Variants in GABBR2 observed in about 807,000 individuals in gnomAD.
GABBR2 encodes G-protein coupled receptor 51.
GABBR2 carries 23 observed loss-of-function variants against 105.6 expected under a neutral mutation model. That is an observed-to-expected ratio of 0.22 (90% CI 0.16 to 0.31). The LOEUF (loss-of-function observed/expected upper bound fraction) is 0.31. Among genes scored for constraint, GABBR2 ranks in the 10% least tolerant of loss-of-function variants. The pLI, the probability that GABBR2 is intolerant of heterozygous loss-of-function variation, is 1.00. For synonymous variants in GABBR2, 478 were observed against 499.7 expected (o/e 0.96, Z 0.58); for missense variants, 734 against 1,245.5 (o/e 0.59, Z 6.18).
intron 1 of GABBR2, among the ~76,000 whole-genome samples, chr9:98,604,528 C>A (rs1409688047): frequency 6.6e-6 from 1 of 152,204 alleles, no homozygotes; most frequent in African/African-American, 2.4e-5. Context: ...GAAGGCTGGG[C>A]AGAGTAGGGC....
At chr9:98,589,458 G>A (rs1399001184) in intron 1 of GABBR2, among the ~76,000 whole-genome samples, 1 of 152,146 alleles carries the variant, frequency 6.6e-6, no homozygotes, top group Non-Finnish European at 1.5e-5. Flanking sequence ...ACTACAGAGA[G>A]GCCGCATCAT....
chr9:98,417,660 C>T (rs1832712296), intron 7 of GABBR2, among the ~76,000 whole-genome samples: 1 of 152,094 alleles, frequency 6.6e-6, no homozygotes, highest in Admixed American at 6.5e-5. Context: ...CATGCTAGAC[C>T]CTGCAGTGTT....
intron 5 of GABBR2, among the ~76,000 whole-genome samples, chr9:98,477,445 G>T (rs185635127): frequency 6.6e-6 from 1 of 152,300 alleles, no homozygotes; most frequent in Admixed American, 6.5e-5. Flanking sequence ...TTGCCATGCT[G>T]CCCAGGCTGG....
chr9:98,601,664 TAA>T (rs1829338664), intron 1 of GABBR2, among the ~76,000 whole-genome samples: 1 of 152,208 alleles, frequency 6.6e-6, no homozygotes, highest in Admixed American at 6.5e-5. Flanking sequence ...GGGTGTTCTT[TAA>T]AACAACAAAG....
chr9:98,355,949 T>C (rs1453598354), intron 13 of GABBR2, among the ~76,000 whole-genome samples: 1 of 152,082 alleles, frequency 6.6e-6, no homozygotes, highest in Non-Finnish European at 1.5e-5. Flanking sequence ...GCAAAGGTAA[T>C]ACAATGGAGA....
intron 1 of GABBR2, among the ~76,000 whole-genome samples, chr9:98,694,780 G>A (rs1830727748): frequency 6.6e-6 from 1 of 152,146 alleles, no homozygotes; most frequent in Non-Finnish European, 1.5e-5. Flanking sequence ...ATAACTCTAT[G>A]AAAAAGCAGA....
At chr9:98,458,072 A>G (rs181148311) in intron 6 of GABBR2, among the ~76,000 whole-genome samples, 12 of 152,348 alleles carry the variant, frequency 7.9e-5, no homozygotes, top group Non-Finnish European at 1.6e-4. Flanking sequence ...CACAGACACT[A>G]TGTTATAAAT....
At chr9:98,294,482 G>A (rs1588084841) in intron 17 of GABBR2, among the ~76,000 whole-genome samples, 1 of 151,504 alleles carries the variant, frequency 6.6e-6, no homozygotes, top group African/African-American at 2.4e-5. Context: ...TATACAAGAT[G>A]TTCAACCTCG....
chr9:98,468,143 C>T lies in GABBR2; in HGVS notation c.999+5003G>A, dbSNP rs73655464. 6.8e-3 allele frequency among the ~76,000 whole-genome samples: 1,037 copies of T among 152,222 alleles called. 8 individuals are homozygous for T. Among genetic ancestry groups the T allele is most frequent in the African/African-American group, 0.023 (972 of 41,518 alleles). On this transcript the variant is annotated intron_variant, in intron 6 of 18. Coordinates refer to ENST00000259455, the MANE Select transcript of GABBR2 (RefSeq NM_005458.8). ...GAAAGCCTGAAGGTCCAAGTCCCAA[C>T]GCAGGACAGTCCAATGGGAAAGGAC... is the stretch of plus-strand genomic sequence containing the variant.
chr9:98,380,503 C>T (rs546363204), intron 11 of GABBR2, among the ~76,000 whole-genome samples: 70 of 152,348 alleles, frequency 4.6e-4, no homozygotes, highest in Non-Finnish European at 5.4e-4. Flanking sequence ...GCTCAGCTGC[C>T]GGGGTCCATC....
chr9:98,377,690 T>C (rs1344632048), intron 11 of GABBR2, among the ~76,000 whole-genome samples: 1 of 152,156 alleles, frequency 6.6e-6, no homozygotes, highest in Non-Finnish European at 1.5e-5. Flanking sequence ...GTGGGGTGTC[T>C]GGAAGGGAGG....
chr9:98,382,335 A>G (rs938891775), intron 11 of GABBR2, among the ~76,000 whole-genome samples: 2 of 151,444 alleles, frequency 1.3e-5, no homozygotes, highest in African/African-American at 4.9e-5. Flanking sequence ...TTTTTTTGAG[A>G]CCGAGTCTCG....
chr9:98,658,997 C>A (rs1360934692), intron 1 of GABBR2, among the ~76,000 whole-genome samples: 1 of 152,200 alleles, frequency 6.6e-6, no homozygotes, highest in Non-Finnish European at 1.5e-5. Context: ...GCAAAATACT[C>A]CAAGTCTGAC....
intron 3 of GABBR2, among the ~76,000 whole-genome samples, chr9:98,505,624 G>C (rs530193744): frequency 6.6e-6 from 1 of 152,316 alleles, no homozygotes; most frequent in African/African-American, 2.4e-5. Context: ...CTTGGGATGA[G>C]ATCATCCTGG....
chr9:98,535,634 C>G (rs897397450), intron 3 of GABBR2, among the ~76,000 whole-genome samples: 1 of 151,914 alleles, frequency 6.6e-6, no homozygotes, highest in Non-Finnish European at 1.5e-5. Context: ...GATTTTGGTA[C>G]CCATGGGGGT....
intron 2 of GABBR2, among the ~76,000 whole-genome samples, chr9:98,572,599 C>G (rs1828847747): frequency 6.6e-6 from 1 of 152,174 alleles, no homozygotes; most frequent in Admixed American, 6.5e-5. Context: ...AGCTTAGCCT[C>G]CCTGTGTTGG....
In GABBR2 at chr9:98,463,090, T is replaced by C. The variant is rs995818781; in HGVS notation, c.1000-8873A>G. Reference sequence around the variant, plus strand: ...TTTTAATAGAGATGGGGTTTCACTATGTTGGCCAGGCTGGTCTTGAACTCC... The same window carrying C: ...TTTTAATAGAGATGGGGTTTCACTACGTTGGCCAGGCTGGTCTTGAACTCC... On this transcript the variant is annotated intron_variant, in intron 6 of 18. Coordinates refer to ENST00000259455, the MANE Select transcript of GABBR2 (RefSeq NM_005458.8). 3.9e-5 allele frequency among the ~76,000 whole-genome samples: 6 copies of C among 152,316 alleles called. 1 individual carries two copies. In the East Asian group the frequency reaches 7.7e-4, roughly 20 times the overall value.
At chr9:98,610,782 A>G (rs1020978321) in intron 1 of GABBR2, among the ~76,000 whole-genome samples, 9 of 141,440 alleles carry the variant, frequency 6.4e-5, no homozygotes, top group South Asian at 2.2e-4. Flanking sequence ...GGACTGTGAG[A>G]AAAAAAAAAA....
chr9:98,563,425 C>T (rs894273531), intron 2 of GABBR2, among the ~76,000 whole-genome samples: 7 of 152,200 alleles, frequency 4.6e-5, no homozygotes, highest in Admixed American at 2.6e-4. Context: ...CGGACGCATC[C>T]ACCGGAGGCA....
Sources: allele counts gnomAD v4.1 joint callset (sites outside exome capture counted in the v4.1 genomes callset), GRCh38; gene constraint gnomAD v4.1.1; transcripts MANE v1.5; gene names NCBI Gene and HGNC (gene_info 2026-07-23, HGNC 2026-07-21).